The following TYRO3 variants were observed in gnomAD, a reference collection of about 807,000 sequenced individuals.
TYRO3 encodes tyrosine-protein kinase receptor TYRO3.
A neutral mutation model predicts 95.2 loss-of-function variants in TYRO3; 38 were observed. The observed-to-expected ratio is 0.40, with a 90% CI of 0.31 to 0.52. The LOEUF (loss-of-function observed/expected upper bound fraction) is 0.52. Among genes scored for constraint, TYRO3 ranks in the 20% least tolerant of loss-of-function variants. The pLI, the probability that TYRO3 is intolerant of heterozygous loss-of-function variation, is 0.56. For missense variants in TYRO3, 812 were observed against 1,116.4 expected, an observed-to-expected ratio of 0.73 and a Z score of 3.89; for synonymous variants, 367 against 432.9, an observed-to-expected ratio of 0.85 and a Z score of 1.89.
chr15:41,568,032 C>T (rs953687022), intron 7 of TYRO3, among the ~76,000 whole-genome samples, 185 bp from the exon 8 acceptor site: 2 of 152,170 alleles, frequency 1.3e-5, no homozygotes, highest in Middle Eastern at 3.2e-3. Flanking sequence ...TGCTGCCTGT[C>T]CTGCCCATTG....
At chr15:41,576,645 CTTTTTTTTTTTT>C (rs971951671) in intron 18 of TYRO3, among the ~76,000 whole-genome samples, 9 of 101,092 alleles carry the variant, frequency 8.9e-5, no homozygotes, top group African/African-American at 3.8e-4. Flanking sequence ...AGTAGGTTTC[CTTTTTTTTTTTT>C]TTTTTTTTTT....
chr15:41,559,388 G>T lies in TYRO3; in HGVS notation c.124+7G>T. 1 of 228,832 alleles carries T rather than the reference G, an allele frequency of 4.4e-6. No individual in the cohort carries two copies. Among genetic ancestry groups the T allele is most frequent in the Non-Finnish European group, 9.0e-6 (1 of 110,920 alleles). The allele number at this position is 228,832 out of a possible 1,614,324, so 14.2% of individuals were successfully genotyped here. On this transcript the variant is annotated splice_region_variant and intron_variant, in intron 1 of 18. Coordinates refer to ENST00000263798, the MANE Select transcript of TYRO3 (RefSeq NM_006293.4). ...CCGGAGTCCGCCGCCGCAGGTAGGG[G>T]CTGGCACGGGAGGCGGCGGGAAGCG...
rs769353163 is a variant in TYRO3 at position 41,573,116 on chromosome 15, G to A, written c.1985+5G>A. The A allele has an allele frequency of 1.2e-6, 2 of 1,611,504 alleles. No homozygotes were observed. The highest frequency in any genetic ancestry group is 1.7e-6 in the Non-Finnish European group (2 of 1,177,944). ...CCTGGCTGCTCGGAATTGCATGTACGAATTCTGGAGGACTCGAGGGTGGGA... is the reference window on the plus strand; with the variant it reads ...CCTGGCTGCTCGGAATTGCATGTACAAATTCTGGAGGACTCGAGGGTGGGA... On this transcript the variant is annotated splice_donor_5th_base_variant and intron_variant, in intron 16 of 18. Coordinates refer to ENST00000263798, the MANE Select transcript of TYRO3 (RefSeq NM_006293.4).
In TYRO3 at chr15:41,559,307, T is replaced by G; in HGVS notation, c.50T>G (p.Leu17Arg). ...MGRPGLPPLP[L>R]PPPPRLGLLL... Reference sequence around the variant, plus strand: ...CGGCCGGGGCTCCCGCCGCTGCCGCTGCCGCCGCCACCGCGGCTCGGGCTG... The same window carrying G: ...CGGCCGGGGCTCCCGCCGCTGCCGCGGCCGCCGCCACCGCGGCTCGGGCTG... Residue 17 changes from leucine to arginine, a missense_variant, in exon 1 of 19, where the codon CTG becomes CGG. Leu to Arg is a moderately radical substitution (Grantham distance 102, BLOSUM62 -2). Coordinates refer to ENST00000263798, the MANE Select transcript of TYRO3 (RefSeq NM_006293.4). 1.6e-6 allele frequency: 1 copy of G among 644,546 alleles called. No individual in the cohort carries two copies. The highest frequency in any genetic ancestry group is 2.2e-6 in the Non-Finnish European group (1 of 458,892). The allele number at this position is 644,546 out of a possible 1,614,324, so 39.9% of individuals were successfully genotyped here. A position where few individuals can be genotyped will look rare whatever the true frequency, so the allele number is the denominator to read the frequency against.
chr15:41,572,358 G>A, intron 14 of TYRO3, 85 bp from the exon 15 acceptor site: 1 of 1,518,564 alleles, frequency 6.6e-7, no homozygotes, highest in South Asian at 1.3e-5. Context: ...GCTAGAGATG[G>A]GACCCAGCAG....
intron 3 of TYRO3, 157 bp from the exon 4 acceptor site, chr15:41,562,391 C>A: frequency 1.9e-6 from 1 of 540,358 alleles, no homozygotes. Context: ...GCACCGCCTA[C>A]CTCTCAAGCT....
intron 1 of TYRO3, among the ~76,000 whole-genome samples, chr15:41,560,428 T>TGTGTGCGCGCGC (rs1408766845): frequency 3.3e-4 from 44 of 135,250 alleles, no homozygotes; most frequent in Middle Eastern, 3.5e-3. Context: ...TGTGTGTGTG[T>TGTGTGCGCGCGC]GCGCGCGCGC....
intron 9 of TYRO3, 100 bp downstream of exon 9, chr15:41,569,122 G>A: frequency 7.1e-7 from 1 of 1,399,408 alleles, no homozygotes; most frequent in Non-Finnish European, 9.8e-7. Flanking sequence ...TCCCCTCCTA[G>A]TAGACCCACA....
At chr15:41,567,239 G>C (rs1366105110) in intron 6 of TYRO3, 121 bp from the exon 7 acceptor site, 1 of 787,996 alleles carries the variant, frequency 1.3e-6, no homozygotes, top group African/African-American at 1.8e-5. Flanking sequence ...ATGGGAGGGC[G>C]TGGGTTGCAA....
chr15:41,565,923 G>A (rs562763877), intron 6 of TYRO3, among the ~76,000 whole-genome samples: 12 of 152,214 alleles, frequency 7.9e-5, no homozygotes, highest in African/African-American at 1.7e-4. Context: ...ATTTTCATCC[G>A]TTTACTCAAA....
chr15:41,565,807 C>A (rs757662890), intron 6 of TYRO3, among the ~76,000 whole-genome samples: 12 of 152,102 alleles, frequency 7.9e-5, no homozygotes, highest in Non-Finnish European at 1.3e-4. Context: ...CCCCAACCCC[C>A]ACTCAAGCCA....
intron 14 of TYRO3, among the ~76,000 whole-genome samples, 199 bp from the exon 15 acceptor site, chr15:41,572,244 C>G (rs2055805772): frequency 6.6e-6 from 1 of 152,150 alleles, no homozygotes; most frequent in Non-Finnish European, 1.5e-5. Context: ...AGGAAGGGGA[C>G]AGAAGATGCT....
rs1156572818 is a variant in TYRO3, at chr15:41,573,357, A to C, written c.2035A>C (p.Lys679Gln). 1.2e-6 allele frequency: 2 copies of C among 1,614,212 alleles called. No individual in the cohort carries two copies. The highest frequency in any genetic ancestry group is 1.7e-6 in the Non-Finnish European group (2 of 1,180,030). Residue 679 changes from lysine (K) to glutamine (Q), a missense_variant, in exon 17 of 19, where the codon AAG becomes CAG. Transcript: ENST00000263798. ...TGTGGCTGACTTCGGACTCTCCCGG[A>C]AGATCTACAGTGGGGACTACTATCG... Reference protein sequence around the residue: ...VCVADFGLSRKIYSGDYYRQG... With the variant: ...VCVADFGLSRQIYSGDYYRQG...
chr15:41,576,135 G>C (rs1376791864), intron 18 of TYRO3, among the ~76,000 whole-genome samples: 1 of 148,714 alleles, frequency 6.7e-6, no homozygotes, highest in African/African-American at 2.5e-5. Flanking sequence ...ATTAATTCCT[G>C]TTGGCAGGAG....
chr15:41,560,842 A>G (rs866020088), intron 1 of TYRO3, among the ~76,000 whole-genome samples: 5 of 151,004 alleles, frequency 3.3e-5, no homozygotes, highest in Non-Finnish European at 5.9e-5. Flanking sequence ...GGTAACTCCC[A>G]TCGTTTCAGC....
intron 1 of TYRO3, among the ~76,000 whole-genome samples, chr15:41,560,832 G>T (rs1265010196): frequency 6.6e-6 from 1 of 150,912 alleles, no homozygotes; most frequent in Non-Finnish European, 1.5e-5. Context: ...GCCCCAGTAG[G>T]GTAACTCCCA....
At chr15:41,569,337 A>G (rs1318633835) in intron 9 of TYRO3, among the ~76,000 whole-genome samples, 1 of 151,340 alleles carries the variant, frequency 6.6e-6, no homozygotes, top group African/African-American at 2.4e-5. Context: ...GTGTAGTGAC[A>G]TATGCCTGTT....
At chr15:41,569,991 C>T (rs1362521063) in intron 9 of TYRO3, 36 bp from the exon 10 acceptor site, 1 of 1,601,652 alleles carries the variant, frequency 6.2e-7, no homozygotes, top group Admixed American at 1.7e-5. Context: ...CTCATGGTGT[C>T]ATCCTAGCTC....
intron 4 of TYRO3, 115 bp from the exon 5 acceptor site, chr15:41,564,069 C>A: frequency 1.0e-6 from 1 of 986,438 alleles, no homozygotes; most frequent in Non-Finnish European, 1.6e-6. Context: ...CAGCCCCTTC[C>A]TTTGGCAGGA....
Sources: gnomAD v4.1 joint callset for allele counts (sites outside exome capture counted in the v4.1 genomes callset) on GRCh38, gnomAD v4.1.1 for gene constraint, MANE v1.5 for transcripts, NCBI Gene and HGNC (gene_info 2026-07-23, HGNC 2026-07-21) for gene names.